AGBL1: variants seen among roughly 807,000 people sequenced by gnomAD.
AGBL1 encodes cytosolic carboxypeptidase 4.
A neutral mutation model predicts 118.9 loss-of-function variants in AGBL1; 130 were observed. The ratio of observed to expected loss-of-function variants is 1.09; its 90% CI spans 0.95 to 1.26. The LOEUF (loss-of-function observed/expected upper bound fraction) is 1.26. AGBL1 is among the 50% of genes most tolerant of loss of function. AGBL1 has a pLI of 0.00. For synonymous variants in AGBL1, 555 were observed against 478.9 expected, an observed-to-expected ratio of 1.16 and a Z score of -2.08; for missense variants, 1,584 against 1,298.1, an observed-to-expected ratio of 1.22 and a Z score of -3.38.
chr15:86,698,625 T>TTTTAA (rs746434101), intron 22 of AGBL1, among the ~76,000 whole-genome samples: 1 of 150,636 alleles, frequency 6.6e-6, no homozygotes, highest in Non-Finnish European at 1.5e-5. Context: ...TTTTTTTTTT[T>TTTTAA]AAAAAGAGAC....
intron 18 of AGBL1, among the ~76,000 whole-genome samples, chr15:86,450,728 C>T (rs537517723): frequency 6.6e-6 from 1 of 152,230 alleles, no homozygotes; most frequent in South Asian, 2.1e-4. Context: ...TTCTTTGAGC[C>T]TCATCTATAA....
At chr15:86,107,861 C>A (rs1008068993) in intron 1 of AGBL1, among the ~76,000 whole-genome samples, 2 of 152,182 alleles carry the variant, frequency 1.3e-5, no homozygotes, top group Non-Finnish European at 2.9e-5. Flanking sequence ...GAGAGCTTCT[C>A]AAAGCCTGGT....
At chr15:86,329,414 C>A (rs1474448384) in intron 17 of AGBL1, among the ~76,000 whole-genome samples, 2 of 152,152 alleles carry the variant, frequency 1.3e-5, no homozygotes, top group Non-Finnish European at 2.9e-5. Flanking sequence ...CCTTCCTGTG[C>A]ATAGATTGTG....
intron 17 of AGBL1, among the ~76,000 whole-genome samples, chr15:86,342,443 G>A (rs142026856): frequency 6.6e-6 from 1 of 152,198 alleles, no homozygotes; most frequent in African/African-American, 2.4e-5. Flanking sequence ...AGGAGGTAAA[G>A]AGAATCTGGC....
chr15:86,782,915 G>A (rs1472855429), intron 22 of AGBL1, among the ~76,000 whole-genome samples: 2 of 152,260 alleles, frequency 1.3e-5, no homozygotes, highest in East Asian at 3.9e-4. Context: ...CTATGTCAAC[G>A]TCTGATTGAA....
At chr15:86,660,432 A>G (rs2085520344) in intron 21 of AGBL1, among the ~76,000 whole-genome samples, 1 of 152,180 alleles carries the variant, frequency 6.6e-6, no homozygotes, top group Non-Finnish European at 1.5e-5. Context: ...GGCAACATAT[A>G]CACGTATCAT....
chr15:86,804,710 G>A (rs145400199), intron 22 of AGBL1, among the ~76,000 whole-genome samples: 1,663 of 152,250 alleles, frequency 0.011, 23 homozygotes, highest in Middle Eastern at 0.061. Flanking sequence ...TATTCTTGGG[G>A]AAGGTATAAT....
At chr15:86,224,766 T>C (rs1374366085) in intron 5 of AGBL1, 148 bp from the exon 6 acceptor site, 4 of 738,650 alleles carry the variant, frequency 5.4e-6, no homozygotes, top group African/African-American at 3.5e-5. Flanking sequence ...GCCTCTTTAA[T>C]GGTCAGCGGG....
Position 86,397,505 on chromosome 15 carries a change from G to A in AGBL1, c.2514G>A (p.Lys838=). ...ARLLRENFIF[K]IIPMLNPDGV... is the part of the protein sequence containing the mutation. The stretch of plus-strand genomic sequence containing the variant: ...TCTTGAGGGAAAACTTCATCTTCAA[G>A]ATCATACCCATGCTCAACCCAGATG... The change falls in exon 18 of 23, where the codon AAG becomes AAA. Residue 838 remains lysine (K), a synonymous_variant. Transcript: ENST00000614907. 6.2e-7 allele frequency: 1 copy of A among 1,612,772 alleles called. No individual in the cohort carries two copies. The highest frequency in any genetic ancestry group is 2.2e-5 in the East Asian group (1 of 44,848).
chr15:86,818,088 G>T (rs1413931773), intron 22 of AGBL1, among the ~76,000 whole-genome samples: 2 of 152,034 alleles, frequency 1.3e-5, no homozygotes, highest in African/African-American at 4.8e-5. Flanking sequence ...AGGCAAGTTT[G>T]TGTGTGCGTG....
chr15:86,479,389 G>C (rs1043611990), intron 18 of AGBL1, among the ~76,000 whole-genome samples: 2 of 150,222 alleles, frequency 1.3e-5, no homozygotes. Context: ...TTTAGAAGAA[G>C]AAAAACAACG....
intron 21 of AGBL1, among the ~76,000 whole-genome samples, chr15:86,587,563 T>C (rs754306352): frequency 3.9e-5 from 6 of 152,276 alleles, no homozygotes; most frequent in Middle Eastern, 3.4e-3. Flanking sequence ...GAAGGAGCAG[T>C]ATAAGCAAAG....
At chr15:86,460,369 A>G (rs983687050) in intron 18 of AGBL1, among the ~76,000 whole-genome samples, 5 of 146,924 alleles carry the variant, frequency 3.4e-5, no homozygotes, top group Non-Finnish European at 6.0e-5. Flanking sequence ...GGTGATAGGT[A>G]CCTATAGTCC....
intron 22 of AGBL1, among the ~76,000 whole-genome samples, chr15:86,896,477 T>C (rs776968829): frequency 1.3e-5 from 2 of 152,130 alleles, no homozygotes; most frequent in Non-Finnish European, 2.9e-5. Context: ...AAGAATTACA[T>C]GGTTTGTGAT....
chr15:86,528,169 G>C (rs1283480202), intron 19 of AGBL1, among the ~76,000 whole-genome samples: 2 of 152,232 alleles, frequency 1.3e-5, no homozygotes, highest in African/African-American at 4.8e-5. Context: ...CAGAAGACGG[G>C]TGATTTCTGC....
chr15:86,303,383 G>A (rs370676670), intron 17 of AGBL1, among the ~76,000 whole-genome samples: 84 of 152,268 alleles, frequency 5.5e-4, no homozygotes, highest in African/African-American at 2.0e-3. Flanking sequence ...ATGTGTCTCA[G>A]AAGTGAGACA....
At chr15:86,770,580 T>C (rs2078162709) in intron 22 of AGBL1, among the ~76,000 whole-genome samples, 2 of 151,926 alleles carry the variant, frequency 1.3e-5, no homozygotes, top group African/African-American at 2.4e-5. Context: ...CGATGGAGGA[T>C]TGAGTGTCTC....
chr15:86,245,261 C>T (rs939216599), intron 6 of AGBL1, among the ~76,000 whole-genome samples: 4 of 152,206 alleles, frequency 2.6e-5, no homozygotes, highest in Non-Finnish European at 5.9e-5. Flanking sequence ...TATGCACTCA[C>T]ATGGTCTTAG....
At chr15:86,736,465 A>G (rs2077601088) in intron 22 of AGBL1, among the ~76,000 whole-genome samples, 1 of 152,124 alleles carries the variant, frequency 6.6e-6, no homozygotes, top group African/African-American at 2.4e-5. Flanking sequence ...TTTAATTCAC[A>G]TAACAACTTT....
Sources: gnomAD v4.1 joint callset for allele counts (sites outside exome capture counted in the v4.1 genomes callset) on GRCh38, gnomAD v4.1.1 for gene constraint, MANE v1.5 for transcripts, NCBI Gene and HGNC (gene_info 2026-07-23, HGNC 2026-07-21) for gene names.